The following ABCB8 variants were observed in gnomAD, a reference collection of about 807,000 sequenced individuals.
The protein encoded by ABCB8 is mitochondrial potassium channel ATP-binding subunit.
A neutral mutation model predicts 73.0 loss-of-function variants in ABCB8; 52 were observed. The ratio of observed to expected loss-of-function variants is 0.71; its 90% CI spans 0.57 to 0.90. ABCB8 has a LOEUF of 0.90. Ranked by LOEUF, ABCB8 falls within the 40% of genes least tolerant of loss-of-function variation. ABCB8 has a pLI of 0.00. For missense variants in ABCB8, 909 were observed against 974.6 expected (o/e 0.93, Z 0.90); for synonymous variants, 428 against 423.5 (o/e 1.01, Z -0.13).
chr7:151,039,951 C>A, intron 9 of ABCB8: 2 of 352,886 alleles, frequency 5.7e-6, no homozygotes, highest in Non-Finnish European at 1.0e-5. Flanking sequence ...ACCCTGCAGA[C>A]CACAGGCCAG....
intron 1 of ABCB8, chr7:151,029,576 G>A (rs892769845): frequency 4.2e-5 from 6 of 142,682 alleles, no homozygotes; most frequent in East Asian, 2.1e-4. Flanking sequence ...GCATGGTCTC[G>A]ACTGACTGCA....
In ABCB8 at chr7:151,041,346, C is replaced by G; in HGVS notation, c.1617+114C>G. On this transcript the variant is annotated intron_variant, in intron 13 of 15. Coordinates refer to ENST00000358849, the MANE Select transcript of ABCB8 (RefSeq NM_007188.5). ...TTCCCACCCTCATCCTTGCTGCTCTCGGGAGACCCTGGCCGTCTTCACATG... is the reference window on the plus strand; with the variant it reads ...TTCCCACCCTCATCCTTGCTGCTCTGGGGAGACCCTGGCCGTCTTCACATG... 2.9e-6 allele frequency: 4 copies of G among 1,362,978 alleles called. No homozygotes were observed. The South Asian group carries it at 6.0e-5, about 20-fold the overall frequency. 84.4% of individuals were successfully genotyped at this position (1,362,978 alleles called of 1,614,324 possible). A position where few individuals can be genotyped will look rare whatever the true frequency, so the allele number is the denominator to read the frequency against.
intron 15 of ABCB8, among the ~76,000 whole-genome samples, chr7:151,044,639 G>C (rs894253266): frequency 6.6e-6 from 1 of 152,198 alleles, no homozygotes; most frequent in African/African-American, 2.4e-5. Flanking sequence ...AGCTACTCTG[G>C]AGGCGGAGGC....
chr7:151,028,648 C>T (rs746394724), intron 1 of ABCB8, 38 bp downstream of exon 1: 2 of 1,594,408 alleles, frequency 1.3e-6, no homozygotes, highest in Non-Finnish European at 1.7e-6. Context: ...GGGCCATTGA[C>T]CGCCCGGCAG....
intron 11 of ABCB8, 69 bp from the exon 12 acceptor site, chr7:151,040,759 C>G (rs1406139359): frequency 1.3e-6 from 2 of 1,599,820 alleles, no homozygotes; most frequent in African/African-American, 1.3e-5. Flanking sequence ...TACAGGGAGA[C>G]TTCAGGAGGG....
chr7:151,029,999 T>C (rs1343090243), intron 1 of ABCB8, among the ~76,000 whole-genome samples: 1 of 152,218 alleles, frequency 6.6e-6, no homozygotes, highest in African/African-American at 2.4e-5. Context: ...CAAGACTTTC[T>C]TAGAGTCTTA....
At chr7:151,039,908 C>A in intron 9 of ABCB8, 1 of 220,272 alleles carries the variant, frequency 4.5e-6, no homozygotes. Flanking sequence ...TCCTCGTGGG[C>A]TGATATCACC....
rs750183511 is a variant in ABCB8, at chr7:151,040,280, CCT to C, written c.1235_1236del (p.Ser412CysfsTer18). 18 of 1,613,108 alleles carry C rather than the reference CCT, an allele frequency of 1.1e-5. No individual in the cohort carries two copies. The highest frequency in any genetic ancestry group is 1.4e-5 in the Non-Finnish European group (16 of 1,179,660). ...CTTTTTCTGACAGGTCCATGGCCAACCTCTCTGTCCTGTTTGGGCAGGTGAGT... is the reference window on the plus strand; with the variant it reads ...CTTTTTCTGACAGGTCCATGGCCAACCTCTGTCCTGTTTGGGCAGGTGAGT... ...SQTVQRSMAN[L>X]SVLFGQVVRG... is the part of the protein sequence containing the mutation. On this transcript the variant is annotated frameshift_variant, in exon 10 of 16. Transcript: ENST00000358849. LOFTEE classifies it high-confidence loss of function.
chr7:151,036,782 A>T, intron 9 of ABCB8, 133 bp downstream of exon 9: 2 of 811,300 alleles, frequency 2.5e-6, no homozygotes, highest in South Asian at 2.8e-5. Flanking sequence ...CAGCTTCCCC[A>T]GGGATGCATA....
chr7:151,028,927 G>A (rs777485454), intron 1 of ABCB8: 3 of 1,375,766 alleles, frequency 2.2e-6, no homozygotes, highest in Admixed American at 4.7e-5. Flanking sequence ...TGCGCGATTT[G>A]GACGAAAATT....
intron 1 of ABCB8, 109 bp from the exon 2 acceptor site, chr7:151,033,496 A>C (rs1796218782): frequency 4.7e-6 from 7 of 1,479,162 alleles, no homozygotes; most frequent in Non-Finnish European, 6.3e-6. Context: ...AGGGCCTGAC[A>C]GAAGAGGAAG....
In ABCB8 at chr7:151,034,835, T is replaced by C. The variant is rs1301015803; in HGVS notation, c.765+6T>C. 1 of 1,608,040 alleles carries C rather than the reference T, an allele frequency of 6.2e-7. No homozygotes were observed. Among genetic ancestry groups the C allele is most frequent in the East Asian group, 2.2e-5 (1 of 44,818 alleles). On this transcript the variant is annotated splice_donor_region_variant and intron_variant, in intron 5 of 15. Coordinates refer to ENST00000358849, the MANE Select transcript of ABCB8 (RefSeq NM_007188.5). The stretch of plus-strand genomic sequence containing the variant: ...TCAAGCTTGTCATCTCCCAGGTCAG[T>C]GGCCCAGTGGCCCCCACCACGTCCA...
At chr7:151,044,291 C>A in intron 15 of ABCB8, 70 bp downstream of exon 15, 1 of 1,557,494 alleles carries the variant, frequency 6.4e-7, no homozygotes, top group Non-Finnish European at 8.7e-7. Flanking sequence ...CACAATGCTG[C>A]AATGAGTTAT....
chr7:151,031,634 CT>C (rs547031807), intron 1 of ABCB8: 2,117 of 153,466 alleles, frequency 0.014, 3 homozygotes, highest in South Asian at 0.025. Flanking sequence ...CTGCTATGAT[CT>C]TTTTTTTTTT....
At chr7:151,042,612 T>C (rs1367983756) in intron 14 of ABCB8, among the ~76,000 whole-genome samples, 3 of 152,250 alleles carry the variant, frequency 2.0e-5, no homozygotes, top group Non-Finnish European at 4.4e-5. Flanking sequence ...CTGGTGGTTC[T>C]GAACTAGGAA....
At position 151,032,398 on chromosome 7, in the gene ABCB8, C is replaced by G. The variant is rs773137727; in HGVS notation, c.96-1207C>G. On this transcript the variant is annotated intron_variant, in intron 1 of 15. Coordinates refer to ENST00000358849, the MANE Select transcript of ABCB8 (RefSeq NM_007188.5). Reference sequence around the variant, plus strand: ...GCAGAGCACCTGCACACAGTAGGTTCAAAATGTGTAGAATAGGCCAGGCAC... The same window carrying G: ...GCAGAGCACCTGCACACAGTAGGTTGAAAATGTGTAGAATAGGCCAGGCAC... Among the ~76,000 whole-genome samples the G allele has an allele frequency of 6.6e-5, 10 of 152,332 alleles. No individual in the cohort carries two copies. In the East Asian group the frequency reaches 7.7e-4, roughly 12 times the overall value.
At chr7:151,036,004 C>T in intron 7 of ABCB8, 37 bp downstream of exon 7, 1 of 1,612,180 alleles carries the variant, frequency 6.2e-7, no homozygotes, top group East Asian at 2.2e-5. Flanking sequence ...AGCAGAGATG[C>T]CCCCCACACC....
chr7:151,032,554 C>T (rs1415789725), intron 1 of ABCB8, among the ~76,000 whole-genome samples: 2 of 151,994 alleles, frequency 1.3e-5, no homozygotes, highest in Non-Finnish European at 1.5e-5. Context: ...ATTAGCTGGG[C>T]GTGGTGGCTC....
Position 151,033,868 on chromosome 7 carries a change from T to TC in ABCB8, c.360dup (p.Trp121LeufsTer53). On this transcript the variant is annotated frameshift_variant, in exon 2 of 16. Coordinates refer to ENST00000358849, the MANE Select transcript of ABCB8 (RefSeq NM_007188.5). LOFTEE classifies it high-confidence loss of function. ...GGGTCTCGCTTTAACTGGAAGCTCT[T>TC]CTGGCAGTTTCTGCACCCCCACCTG... 6.2e-7 allele frequency: 1 copy of TC among 1,611,716 alleles called. No individual in the cohort carries two copies.
Sources: gnomAD v4.1 joint callset for allele counts (sites outside exome capture counted in the v4.1 genomes callset) on GRCh38, gnomAD v4.1.1 for gene constraint, MANE v1.5 for transcripts, NCBI Gene and HGNC (gene_info 2026-07-23, HGNC 2026-07-21) for gene names.